Variants in QTMAN observed in about 807,000 individuals in gnomAD.
QTMAN encodes the protein queuosine-tRNA mannosyltransferase.
the QTMAN span, among the ~76,000 whole-genome samples, chr2:144,003,177 C>A: frequency 6.6e-6 from 1 of 151,800 alleles, no homozygotes; most frequent in Non-Finnish European, 1.5e-5. Context: ...ATAATCCCAA[C>A]AAACAAGAGC....
At chr2:144,321,901 C>G in the QTMAN span, among the ~76,000 whole-genome samples, 2 of 152,124 alleles carry the variant, frequency 1.3e-5, no homozygotes, top group African/African-American at 4.8e-5. Flanking sequence ...AGTAATCTGC[C>G]ATGGTGAACA....
chr2:143,980,136 G>A, the QTMAN span, among the ~76,000 whole-genome samples: 2 of 151,946 alleles, frequency 1.3e-5, no homozygotes, highest in Admixed American at 1.3e-4. Context: ...CATCACCTAG[G>A]TATTAATCCC....
At chr2:144,150,394 A>T in the QTMAN span, among the ~76,000 whole-genome samples, 1 of 151,988 alleles carries the variant, frequency 6.6e-6, no homozygotes, top group Non-Finnish European at 1.5e-5. Context: ...TGATGATGAA[A>T]ATGTTCTATA....
At chr2:144,329,572 A>AT in the QTMAN span, among the ~76,000 whole-genome samples, 2 of 152,232 alleles carry the variant, frequency 1.3e-5, no homozygotes, top group Non-Finnish European at 2.9e-5. Context: ...TCATGGAAAC[A>AT]TTGTATTATT....
the QTMAN span, among the ~76,000 whole-genome samples, chr2:144,168,530 A>G: frequency 6.6e-6 from 1 of 152,178 alleles, no homozygotes; most frequent in Non-Finnish European, 1.5e-5. Context: ...AGGATACAGA[A>G]GAAATAAGAT....
At chr2:144,153,440 T>C in the QTMAN span, among the ~76,000 whole-genome samples, 4 of 152,204 alleles carry the variant, frequency 2.6e-5, no homozygotes, top group African/African-American at 7.2e-5. Context: ...CTGGGCACGG[T>C]GGCTCATGCC....
At chr2:143,975,638 T>G in the QTMAN span, among the ~76,000 whole-genome samples, 1 of 152,234 alleles carries the variant, frequency 6.6e-6, no homozygotes, top group Non-Finnish European at 1.5e-5. Context: ...TTCTGGCCAA[T>G]GGAGTGATGT....
chr2:144,170,875 C>T, the QTMAN span, among the ~76,000 whole-genome samples: 7 of 152,062 alleles, frequency 4.6e-5, no homozygotes, highest in Non-Finnish European at 1.0e-4. Context: ...CATATGAATG[C>T]TTCTGCCTCC....
chr2:144,088,618 T>C, the QTMAN span, among the ~76,000 whole-genome samples: 24 of 152,000 alleles, frequency 1.6e-4, no homozygotes, highest in African/African-American at 5.1e-4. Context: ...GGTATAAAAA[T>C]TGGCATATAG....
At chr2:143,990,806 C>A in the QTMAN span, among the ~76,000 whole-genome samples, 3 of 152,190 alleles carry the variant, frequency 2.0e-5, no homozygotes, top group South Asian at 6.2e-4. Flanking sequence ...AGCAGACCCA[C>A]AAAGCTCTCG....
the QTMAN span, among the ~76,000 whole-genome samples, chr2:144,038,990 T>C: frequency 4.6e-5 from 7 of 152,176 alleles, no homozygotes; most frequent in East Asian, 1.9e-4. Context: ...ATACCAACCA[T>C]AGAATTTGAG....
chr2:144,056,224 A>T, the QTMAN span, among the ~76,000 whole-genome samples: 1 of 152,236 alleles, frequency 6.6e-6, no homozygotes, highest in African/African-American at 2.4e-5. Context: ...TTTCAGTAAA[A>T]TCTAGAAATT....
chr2:144,148,895 A>G, the QTMAN span, among the ~76,000 whole-genome samples: 1 of 151,994 alleles, frequency 6.6e-6, no homozygotes, highest in Non-Finnish European at 1.5e-5. Flanking sequence ...ATCTTGAAAT[A>G]GCCCTCACTA....
At chr2:144,330,772 T>C in the QTMAN span, among the ~76,000 whole-genome samples, 11 of 152,214 alleles carry the variant, frequency 7.2e-5, no homozygotes, top group African/African-American at 2.7e-4. Flanking sequence ...CCTAGTTAAG[T>C]GTTTAGTTAA....
chr2:144,000,180 C>T, the QTMAN span, among the ~76,000 whole-genome samples: 5 of 151,832 alleles, frequency 3.3e-5, no homozygotes, highest in African/African-American at 1.2e-4. Flanking sequence ...AAATAGATTC[C>T]CATAGATTAA....
chr2:144,019,156 C>G, the QTMAN span, among the ~76,000 whole-genome samples: 1 of 152,026 alleles, frequency 6.6e-6, no homozygotes, highest in African/African-American at 2.4e-5. Flanking sequence ...AGTGAGGGGT[C>G]AGATTGGGTC....
the QTMAN span, among the ~76,000 whole-genome samples, chr2:144,201,855 T>C: frequency 6.6e-6 from 1 of 152,180 alleles, no homozygotes; most frequent in African/African-American, 2.4e-5. Flanking sequence ...AGGGGAGTGT[T>C]ACATTTTTAT....
the QTMAN span, among the ~76,000 whole-genome samples, chr2:144,125,702 A>G: frequency 5.1e-3 from 773 of 152,244 alleles, 4 homozygotes; most frequent in Non-Finnish European, 8.5e-3. Context: ...TCAGCATAAC[A>G]TATTTAGAAA....
the QTMAN span, among the ~76,000 whole-genome samples, chr2:143,991,593 C>T: frequency 2.7e-5 from 4 of 145,968 alleles, no homozygotes; most frequent in Admixed American, 6.7e-5. Context: ...CCAGCCGCCT[C>T]GTCCGGGAGG....
Sources: gnomAD v4.1 joint callset for allele counts (sites outside exome capture counted in the v4.1 genomes callset) on GRCh38, gnomAD v4.1.1 for gene constraint, MANE v1.5 for transcripts, NCBI Gene and HGNC (gene_info 2026-07-23, HGNC 2026-07-21) for gene names.